EYA1: variants seen among roughly 807,000 people sequenced by gnomAD.
EYA1 encodes the protein EYA transcriptional coactivator and phosphatase 1, also known as protein phosphatase EYA1.
In EYA1, 16 loss-of-function variants were observed where a neutral mutation model predicts 82.0. The ratio of observed to expected loss-of-function variants is 0.20; its 90% CI spans 0.13 to 0.30. The LOEUF (loss-of-function observed/expected upper bound fraction) is 0.30, where lower values mean the gene tolerates loss of function less well. Among genes scored for constraint, EYA1 ranks in the 10% least tolerant of loss-of-function variants. The pLI is 1.00. For missense variants in EYA1, 633 were observed against 730.7 expected (o/e 0.87, Z 1.54); for synonymous variants, 261 against 264.4 (o/e 0.99, Z 0.12).
intron 2 of EYA1, among the ~76,000 whole-genome samples, chr8:71,383,867 A>C (rs183126854): frequency 6.6e-6 from 1 of 152,124 alleles, no homozygotes; most frequent in Admixed American, 6.5e-5. Flanking sequence ...AAAATGTTAC[A>C]TTTTACAATC....
rs772521196 is a variant in EYA1 at position 71,321,812 on chromosome 8, A to G, written c.340T>C (p.Phe114Leu). The G allele has an allele frequency of 1.2e-5, 20 of 1,614,242 alleles. No individual in the cohort carries two copies. In the Middle Eastern group the frequency reaches 1.6e-3, roughly 133 times the overall value. The change falls in exon 6 of 18, where the codon TTT becomes CTT. Residue 114 changes from phenylalanine (F) to leucine (L), a missense_variant. Coordinates refer to ENST00000340726, the MANE Select transcript of EYA1 (RefSeq NM_000503.6). ...QTMAAYGQTQ[F>L]TTGMQQATAY... ...GTAGCTTGTTGCATTCCTGTGGTAA[A>G]CTGTGTTTGCCCATATGCAGCCATA... is the stretch of plus-strand genomic sequence containing the variant.
chr8:71,303,780 C>G (rs187244864), intron 7 of EYA1, among the ~76,000 whole-genome samples: 1 of 142,736 alleles, frequency 7.0e-6, no homozygotes, highest in East Asian at 2.1e-4. Context: ...AGTACTCTCT[C>G]TATGTTAGGA....
chr8:71,319,372 C>T (rs1415630026), intron 6 of EYA1, among the ~76,000 whole-genome samples: 1 of 152,068 alleles, frequency 6.6e-6, no homozygotes. Context: ...CCTCATGATC[C>T]GCCCGCCTCA....
intron 11 of EYA1, among the ~76,000 whole-genome samples, chr8:71,268,294 A>G (rs981986203): frequency 5.3e-5 from 8 of 152,182 alleles, no homozygotes; most frequent in Admixed American, 5.2e-4. Flanking sequence ...AGTTACAGGC[A>G]CCAGTGGTCT....
At chr8:71,333,798 G>A (rs1345168289) in intron 4 of EYA1, among the ~76,000 whole-genome samples, 1 of 152,112 alleles carries the variant, frequency 6.6e-6, no homozygotes, top group African/African-American at 2.4e-5. Flanking sequence ...AGAGAACGGG[G>A]GAGGAGTCAC....
chr8:71,506,976 AAAT>A (rs1482786113), intron 2 of EYA1, among the ~76,000 whole-genome samples: 1 of 152,136 alleles, frequency 6.6e-6, no homozygotes, highest in Non-Finnish European at 1.5e-5. Context: ...AAAAATCAAC[AAAT>A]AATAGACAAG....
intron 10 of EYA1, among the ~76,000 whole-genome samples, chr8:71,270,814 T>C (rs1272577055): frequency 6.6e-6 from 1 of 152,160 alleles, no homozygotes; most frequent in Non-Finnish European, 1.5e-5. Flanking sequence ...TATAAGTGTG[T>C]CTTTCATTTC....
intron 2 of EYA1, among the ~76,000 whole-genome samples, chr8:71,480,496 C>G (rs1298709503): frequency 6.6e-6 from 1 of 152,020 alleles, no homozygotes. Flanking sequence ...CAACAAAATT[C>G]CACTGATTGG....
intron 2 of EYA1, among the ~76,000 whole-genome samples, chr8:71,534,443 T>C (rs1465635138): frequency 2.6e-5 from 4 of 152,252 alleles, no homozygotes; most frequent in African/African-American, 9.6e-5. Context: ...ACTCTGTAAT[T>C]GCATACAGTG....
At chr8:71,200,663 T>C (rs777511910) in intron 17 of EYA1, among the ~76,000 whole-genome samples, 1 of 152,156 alleles carries the variant, frequency 6.6e-6, no homozygotes, top group Non-Finnish European at 1.5e-5. Context: ...CTGTAAGACG[T>C]AGCATTGTGC....
chr8:71,481,337 G>A (rs1810142286), intron 2 of EYA1, among the ~76,000 whole-genome samples: 2 of 152,104 alleles, frequency 1.3e-5, no homozygotes, highest in Admixed American at 1.3e-4. Flanking sequence ...TGCTAGCCAA[G>A]GCTGCCGTCA....
intron 6 of EYA1, 33 bp from the exon 7 acceptor site, chr8:71,317,722 C>T (rs990292218): frequency 6.2e-7 from 1 of 1,611,046 alleles, no homozygotes; most frequent in African/African-American, 1.3e-5. Context: ...ATCTATCTGT[C>T]CATTTTCAAA....
intron 2 of EYA1, among the ~76,000 whole-genome samples, chr8:71,499,088 G>C (rs1400655367): frequency 6.6e-6 from 1 of 152,128 alleles, no homozygotes; most frequent in Admixed American, 6.5e-5. Context: ...GGTGTGTCTG[G>C]GGGGTGTGGA....
chr8:71,371,789 TA>T (rs1283755487), intron 2 of EYA1, among the ~76,000 whole-genome samples: 7 of 151,994 alleles, frequency 4.6e-5, no homozygotes, highest in African/African-American at 1.7e-4. Context: ...AAACAATAAT[TA>T]TTTTTTTCTT....
chr8:71,440,688 G>A (rs1483451106), intron 2 of EYA1, among the ~76,000 whole-genome samples: 6 of 152,168 alleles, frequency 3.9e-5, no homozygotes, highest in African/African-American at 1.2e-4. Context: ...GAGCCCATAC[G>A]TCAAGTTCCC....
At chr8:71,529,140 T>C (rs1294504038) in intron 2 of EYA1, among the ~76,000 whole-genome samples, 1 of 152,246 alleles carries the variant, frequency 6.6e-6, no homozygotes, top group East Asian at 1.9e-4. Context: ...ATTCTTAGAA[T>C]AAACTGTGAC....
chr8:71,458,586 A>G (rs1190498666), intron 2 of EYA1, among the ~76,000 whole-genome samples: 2 of 152,122 alleles, frequency 1.3e-5, no homozygotes, highest in African/African-American at 4.8e-5. Context: ...CTCTTTTATC[A>G]GCACAAAATG....
chr8:71,359,574 A>T lies in EYA1; in HGVS notation c.-55+2073T>A, dbSNP rs138220720. Among the ~76,000 whole-genome samples the T allele has an allele frequency of 3.4e-4, 52 of 152,314 alleles. No homozygotes were observed. The East Asian group carries it at 9.6e-3, about 28-fold the overall frequency. ...CAGAAGATCATGCATGAAGCCAAAA[A>T]GTTAATAATGTTCTGTGAAAAGTAA... On this transcript the variant is annotated intron_variant, in intron 1 of 17. Transcript: ENST00000340726.
rs560695588 is a variant in EYA1 at position 71,390,492 on chromosome 8, A to G, written c.34-33981T>C. Among the ~76,000 whole-genome samples the G allele has an allele frequency of 4.0e-4, 61 of 152,160 alleles. 1 individual carries two copies. The South Asian group carries it at 6.4e-3, about 16-fold the overall frequency. Reference sequence around the variant, plus strand: ...TGCTCAGGCTGGTTTTGAACTCCCAATCTCAAGCAATCCTCCCACCTGGGC... The same window carrying G: ...TGCTCAGGCTGGTTTTGAACTCCCAGTCTCAAGCAATCCTCCCACCTGGGC... On this transcript the variant is annotated intron_variant, in intron 2 of 18. Coordinates refer to the EYA1 transcript ENST00000643681.
Sources: allele counts gnomAD v4.1 joint callset (sites outside exome capture counted in the v4.1 genomes callset), GRCh38; gene constraint gnomAD v4.1.1; transcripts MANE v1.5; gene names NCBI Gene and HGNC (gene_info 2026-07-23, HGNC 2026-07-21).